Variants in TRPV5 observed in about 807,000 individuals in gnomAD.
TRPV5 encodes calcium transport protein 2.
In TRPV5, 66 loss-of-function variants were observed where a neutral mutation model predicts 74.1. The observed-to-expected ratio is 0.89, with a 90% confidence interval of 0.73 to 1.09. The LOEUF is 1.09. Among genes scored for constraint, TRPV5 ranks in the 50% least tolerant of loss-of-function variants. The pLI is 0.00. For synonymous variants in TRPV5, 399 were observed against 360.7 expected, an observed-to-expected ratio of 1.11 and a Z score of -1.20; for missense variants, 936 against 930.4, an observed-to-expected ratio of 1.01 and a Z score of -0.08.
chr7:142,924,375 C>T (rs1383406986), intron 8 of TRPV5, among the ~76,000 whole-genome samples: 1 of 25,792 alleles, frequency 3.9e-5, no homozygotes, highest in Admixed American at 3.9e-4. Context: ...TATATATATA[C>T]ATATATATAT....
Position 142,928,878 on chromosome 7 carries a change from G to T in TRPV5, c.587-12C>A, listed in dbSNP as rs4252410. On this transcript the variant is annotated splice_polypyrimidine_tract_variant and intron_variant, in intron 5 of 14. Coordinates refer to ENST00000265310, the MANE Select transcript of TRPV5 (RefSeq NM_019841.7). ...TAATACTGTGTTTCCTGGGGAGGACGCAGGGTATCATGTGGCCACTGGCCT... is the reference window on the plus strand; with the variant it reads ...TAATACTGTGTTTCCTGGGGAGGACTCAGGGTATCATGTGGCCACTGGCCT... The T allele has an allele frequency of 4.3e-6, 7 of 1,613,390 alleles. No homozygotes were observed. The highest frequency in any genetic ancestry group is 5.1e-6 in the Non-Finnish European group (6 of 1,179,698).
chr7:142,925,367 T>A (rs1795965599), intron 8 of TRPV5, 162 bp downstream of exon 8: 9 of 673,540 alleles, frequency 1.3e-5, no homozygotes, highest in Non-Finnish European at 2.3e-5. Flanking sequence ...TTAAACCCCA[T>A]CTGTGGCCTC....
intron 6 of TRPV5, 115 bp from the exon 7 acceptor site, chr7:142,928,349 C>T (rs1796024356): frequency 8.9e-7 from 1 of 1,127,100 alleles, no homozygotes; most frequent in Non-Finnish European, 1.3e-6. Flanking sequence ...ACAGTGGGAA[C>T]CAGCAAACCT....
At chr7:142,933,215 G>T in intron 1 of TRPV5, 117 bp downstream of exon 1, 2 of 1,358,000 alleles carry the variant, frequency 1.5e-6, no homozygotes, top group Non-Finnish European at 2.0e-6. Flanking sequence ...GGGTATGTCT[G>T]AGTGACTGGC....
intron 14 of TRPV5, 146 bp from the exon 15 acceptor site, chr7:142,908,954 G>T: frequency 2.4e-6 from 2 of 825,654 alleles, no homozygotes; most frequent in African/African-American, 1.7e-5. Context: ...CTGGGATCAA[G>T]TGAAGGGAGG....
In TRPV5 at chr7:142,909,505, TC is replaced by T; in HGVS notation, c.1879del (p.Asp627ThrfsTer50). ...GICGCEFGLG[D>X]RWFLRVENHN... ...CATCACTCACCGCAGGAACCAGCGGTCCCCCAGCCCGAATTCGCACCCACAG... is the reference window on the plus strand; with the variant it reads ...CATCACTCACCGCAGGAACCAGCGGTCCCCAGCCCGAATTCGCACCCACAG... On this transcript the variant is annotated frameshift_variant, in exon 14 of 15. Transcript: ENST00000265310. LOFTEE classifies it high-confidence loss of function. 1 of 1,613,446 alleles carries T rather than the reference TC, an allele frequency of 6.2e-7. No homozygotes were observed. Among genetic ancestry groups the T allele is most frequent in the Non-Finnish European group, 8.5e-7 (1 of 1,179,952 alleles).
chr7:142,910,135 G>A (rs4252505), intron 13 of TRPV5, among the ~76,000 whole-genome samples: 124,430 of 152,128 alleles, frequency 0.82, 53,016 homozygotes, highest in East Asian at 0.96. Flanking sequence ...TGAAACATGG[G>A]AAACAAGCTT....
chr7:142,922,332 T>G (rs1460738551), intron 8 of TRPV5, among the ~76,000 whole-genome samples: 1 of 152,086 alleles, frequency 6.6e-6, no homozygotes, highest in African/African-American at 2.4e-5. Context: ...TTTTCAAAAG[T>G]CAAAAAGGAG....
intron 14 of TRPV5, among the ~76,000 whole-genome samples, chr7:142,909,019 C>T (rs1408757202): frequency 6.6e-6 from 1 of 152,044 alleles, no homozygotes; most frequent in Non-Finnish European, 1.5e-5. Flanking sequence ...GCAATCAGGG[C>T]TTGCAGGGTG....
At position 142,908,363 on chromosome 7, in the gene TRPV5, G is replaced by A; in HGVS notation, c.*151C>T. 1 of 814,672 alleles carries A rather than the reference G, an allele frequency of 1.2e-6. No individual in the cohort carries two copies. The highest frequency in any genetic ancestry group is 1.9e-6 in the Non-Finnish European group (1 of 518,408). 50.5% of individuals were successfully genotyped at this position (814,672 alleles called of 1,614,324 possible). On this transcript the variant is annotated 3_prime_UTR_variant, in exon 15 of 15. Coordinates refer to ENST00000265310, the MANE Select transcript of TRPV5 (RefSeq NM_019841.7). ...CCATTGCCAGAAATTCTGATGTGAA[G>A]TGTGAGGCATGACCCTTTAGGGATT...
intron 12 of TRPV5, 36 bp from the exon 13 acceptor site, chr7:142,912,786 A>C (rs1795723034): frequency 6.3e-7 from 1 of 1,599,938 alleles, no homozygotes; most frequent in Non-Finnish European, 8.5e-7. Context: ...GAGATGGGAT[A>C]ATGGAGTTAT....
rs373781288 is a variant in TRPV5, at chr7:142,912,757, C to T, written c.1520-7G>A. The T allele has an allele frequency of 3.2e-5, 52 of 1,611,522 alleles. No homozygotes were observed. Among genetic ancestry groups the T allele is most frequent in the African/African-American group, 4.0e-5 (3 of 74,864 alleles). On this transcript the variant is annotated splice_polypyrimidine_tract_variant and splice_region_variant and intron_variant, in intron 12 of 14. Transcript: ENST00000265310. ...TGGAAAATGATATAGAACGCTGCTCCGCCCAGGAAGAGGACATGGAGATGG... is the reference window on the plus strand; with the variant it reads ...TGGAAAATGATATAGAACGCTGCTCTGCCCAGGAAGAGGACATGGAGATGG...
In TRPV5 at chr7:142,915,388, G is replaced by C. The variant is rs749820253; in HGVS notation, c.1210-5C>G. ...AACCCTGAAGATGTCTGGAATCTGG[G>C]GAGAGGACGGCAAAGCAAAAATACA... On this transcript the variant is annotated splice_polypyrimidine_tract_variant and splice_region_variant and intron_variant, in intron 9 of 14. Coordinates refer to ENST00000265310, the MANE Select transcript of TRPV5 (RefSeq NM_019841.7). 3.7e-6 allele frequency: 6 copies of C among 1,607,990 alleles called. No individual in the cohort carries two copies. Among genetic ancestry groups the C allele is most frequent in the African/African-American group, 2.7e-5 (2 of 74,348 alleles).
chr7:142,919,705 A>G (rs898724933), intron 8 of TRPV5, among the ~76,000 whole-genome samples: 2 of 152,182 alleles, frequency 1.3e-5, no homozygotes, highest in African/African-American at 4.8e-5. Context: ...GAATTGGCCT[A>G]ATGAGATTTG....
rs542294073 is a variant in TRPV5, at chr7:142,922,383, G to A, written c.1122+3146C>T. ...TGAACTCCCTGCTGAACAGTAATCC[G>A]GGAATCTAAATGACCAGAGTGGTGG... is the stretch of plus-strand genomic sequence containing the variant. On this transcript the variant is annotated intron_variant, in intron 8 of 14. Transcript: ENST00000265310. 1.2e-4 allele frequency among the ~76,000 whole-genome samples: 19 copies of A among 152,284 alleles called. No homozygotes were observed. In the South Asian group the frequency reaches 1.5e-3, roughly 12 times the overall value.
Position 142,929,065 on chromosome 7 carries a change from C to A in TRPV5, c.543G>T (p.Leu181=). ...ACVNSEEIVR[L]LIEHGADIRA... is the part of the protein sequence containing the mutation. ...TGATGTCAGCTCCATGCTCAATGAG[C>A]AGCCGCACGATCTCCTCGCTGTTCA... is the stretch of plus-strand genomic sequence containing the variant. Residue 181 remains leucine, a synonymous_variant, in exon 5 of 15, where the codon CTG becomes CTT. Coordinates refer to ENST00000265310, the MANE Select transcript of TRPV5 (RefSeq NM_019841.7). The A allele has an allele frequency of 1.2e-6, 2 of 1,614,106 alleles. No individual in the cohort carries two copies. The highest frequency in any genetic ancestry group is 1.7e-6 in the Non-Finnish European group (2 of 1,180,006).
intron 8 of TRPV5, 153 bp downstream of exon 8, chr7:142,925,376 T>C: frequency 1.4e-6 from 1 of 716,238 alleles, no homozygotes; most frequent in Non-Finnish European, 2.4e-6. Context: ...ATCTGTGGCC[T>C]CCTGGTCTCA....
chr7:142,932,881 C>T (rs754078548), intron 1 of TRPV5, among the ~76,000 whole-genome samples: 55 of 152,312 alleles, frequency 3.6e-4, no homozygotes, highest in South Asian at 8.3e-4. Flanking sequence ...GGTCAGCACC[C>T]AGTGTTACAC....
intron 1 of TRPV5, among the ~76,000 whole-genome samples, chr7:142,931,493 G>T (rs1159256863): frequency 6.6e-6 from 1 of 152,092 alleles, no homozygotes; most frequent in East Asian, 1.9e-4. Flanking sequence ...GTTAATCTTT[G>T]CTTCTACCAT....
Sources: allele counts gnomAD v4.1 joint callset (sites outside exome capture counted in the v4.1 genomes callset), GRCh38; gene constraint gnomAD v4.1.1; transcripts MANE v1.5; gene names NCBI Gene and HGNC (gene_info 2026-07-23, HGNC 2026-07-21).